The following SCN2A variants were observed in gnomAD, a reference collection of about 807,000 sequenced individuals.
The protein encoded by SCN2A is sodium voltage-gated channel alpha subunit 2, also known as sodium channel protein type 2 subunit alpha.
A neutral mutation model predicts 188.7 loss-of-function variants in SCN2A; 20 were observed. The ratio of observed to expected loss-of-function variants is 0.11; its 90% CI spans 0.07 to 0.15. SCN2A has a LOEUF of 0.15. Ranked by LOEUF, SCN2A falls within the 10% of genes least tolerant of loss-of-function variation. The pLI is 1.00. For missense variants in SCN2A, 1,278 were observed against 2,445.0 expected (o/e 0.52, Z 10.07); for synonymous variants, 804 against 833.1 (o/e 0.97, Z 0.60).
chr2:165,328,057 G>C (rs569731609), intron 13 of SCN2A: 1 of 151,964 alleles, frequency 6.6e-6, no homozygotes, highest in East Asian at 1.9e-4. Context: ...AAGCATACAC[G>C]TCCCTTTCTT....
At position 165,326,868 on chromosome 2, in the gene SCN2A, C is replaced by G. The variant is rs1446046264; in HGVS notation, c.2033C>G (p.Thr678Arg). ...TACTTCTAGGGCACAACTACTGAAA[C>G]AGAAATAAGAAAGAGACGGTCCAGT... ...QLLPEGTTTE[T>R]EIRKRRSSSY... The change falls in exon 13 of 27, where the codon ACA becomes AGA. Residue 678 changes from threonine to arginine, a missense_variant. This residue lies in a region of SCN2A where 315 missense variants were observed against 386.6 expected (regional missense o/e 0.81). Coordinates refer to ENST00000375437, the MANE Select transcript of SCN2A (RefSeq NM_001040142.2). 11 of 1,613,810 alleles carry G rather than the reference C, an allele frequency of 6.8e-6. No individual in the cohort carries two copies. The highest frequency in any genetic ancestry group is 5.9e-6 in the Non-Finnish European group (7 of 1,179,866).
intron 1 of SCN2A, among the ~76,000 whole-genome samples, chr2:165,292,482 C>G (rs2106143032): frequency 6.6e-6 from 1 of 152,196 alleles, no homozygotes; most frequent in East Asian, 1.9e-4. Flanking sequence ...CTTCCCCCAC[C>G]CTATACCCAC....
At chr2:165,311,523 A>C (rs929854778) in intron 7 of SCN2A, among the ~76,000 whole-genome samples, 47 of 152,284 alleles carry the variant, frequency 3.1e-4, no homozygotes, top group African/African-American at 1.0e-3. Flanking sequence ...TTACAGTATC[A>C]TAAGAGGGAA....
chr2:165,368,764 A>G (rs1463382904), intron 19 of SCN2A, among the ~76,000 whole-genome samples: 3 of 152,146 alleles, frequency 2.0e-5, no homozygotes, highest in Non-Finnish European at 4.4e-5. Context: ...TACTGTTTCA[A>G]TTTAATTAAT....
chr2:165,291,549 C>CT (rs1696190311), intron 1 of SCN2A, among the ~76,000 whole-genome samples: 2 of 106,074 alleles, frequency 1.9e-5, no homozygotes, highest in African/African-American at 3.5e-5. Flanking sequence ...TCCTTCCTTC[C>CT]TTCCTTCCTT....
At chr2:165,290,363 C>T (rs1486190450) in intron 1 of SCN2A, among the ~76,000 whole-genome samples, 2 of 152,076 alleles carry the variant, frequency 1.3e-5, no homozygotes, top group African/African-American at 2.4e-5. Context: ...CCTATCTTCC[C>T]CAGCCTCTAG....
At chr2:165,314,662 T>C (rs1428043811) in intron 10 of SCN2A, among the ~76,000 whole-genome samples, 1 of 152,198 alleles carries the variant, frequency 6.6e-6, no homozygotes, top group Non-Finnish European at 1.5e-5. Context: ...TATTAAAACA[T>C]TAGCACTCTC....
intron 16 of SCN2A, among the ~76,000 whole-genome samples, chr2:165,347,075 A>G (rs573352936): frequency 6.6e-6 from 1 of 152,332 alleles, no homozygotes; most frequent in South Asian, 2.1e-4. Flanking sequence ...CATTTGACCC[A>G]GGAATCCCAT....
chr2:165,262,842 G>T (rs1366563344), intron 1 of SCN2A, among the ~76,000 whole-genome samples: 1 of 152,034 alleles, frequency 6.6e-6, no homozygotes, highest in African/African-American at 2.4e-5. Context: ...TTCAGTAATG[G>T]TTGTACTAGT....
At chr2:165,305,500 A>G (rs1248798618) in intron 3 of SCN2A, among the ~76,000 whole-genome samples, 1 of 152,174 alleles carries the variant, frequency 6.6e-6, no homozygotes, top group African/African-American at 2.4e-5. Flanking sequence ...TGGCTTACAT[A>G]CCTTATGTCT....
chr2:165,255,088 A>C (rs1321978244), intron 1 of SCN2A, among the ~76,000 whole-genome samples: 1 of 151,984 alleles, frequency 6.6e-6, no homozygotes, highest in Non-Finnish European at 1.5e-5. Flanking sequence ...TTGGTTAATT[A>C]TAAATTAACC....
At chr2:165,373,371 T>G (rs200254136) in intron 21 of SCN2A, 24 bp downstream of exon 21, 3 of 1,612,322 alleles carry the variant, frequency 1.9e-6, no homozygotes, top group Non-Finnish European at 1.7e-6. Context: ...CCTTAGAGTT[T>G]GTCAGAATTA....
At chr2:165,327,093 C>A in intron 13 of SCN2A, 109 bp downstream of exon 13, 1 of 1,323,170 alleles carries the variant, frequency 7.6e-7, no homozygotes, top group South Asian at 1.2e-5. Context: ...ATCATTATTA[C>A]ACATTTTACT....
intron 11 of SCN2A, among the ~76,000 whole-genome samples, chr2:165,318,577 A>G (rs1213182802): frequency 6.6e-6 from 1 of 152,230 alleles, no homozygotes; most frequent in Non-Finnish European, 1.5e-5. Flanking sequence ...CATTTCTCAT[A>G]TAGCTGTCAC....
At chr2:165,295,118 G>A (rs1484733960) in intron 1 of SCN2A, among the ~76,000 whole-genome samples, 2 of 152,128 alleles carry the variant, frequency 1.3e-5, no homozygotes, top group Non-Finnish European at 2.9e-5. Context: ...CAGGAGCTGG[G>A]TCCCTTCCTG....
At chr2:165,380,103 G>A (rs565908077) in intron 23 of SCN2A, among the ~76,000 whole-genome samples, 5 of 151,716 alleles carry the variant, frequency 3.3e-5, no homozygotes, top group East Asian at 1.9e-4. Context: ...ACTACTGGCC[G>A]CCACTGTTCT....
At chr2:165,352,730 G>T (rs1425688488) in intron 16 of SCN2A, among the ~76,000 whole-genome samples, 1 of 152,032 alleles carries the variant, frequency 6.6e-6, no homozygotes, top group Admixed American at 6.5e-5. Context: ...TTACCTTCAG[G>T]CTATGTGTAT....
chr2:165,271,881 G>T (rs1378032599), intron 1 of SCN2A: 2 of 151,116 alleles, frequency 1.3e-5, no homozygotes, highest in Non-Finnish European at 3.0e-5. Flanking sequence ...CCATTTTGTT[G>T]CATATGTAAG....
Position 165,389,726 on chromosome 2 carries a change from T to A in SCN2A, c.5920T>A (p.Ser1974Thr). The A allele has an allele frequency of 1.9e-6, 3 of 1,613,792 alleles. No homozygotes were observed. Among genetic ancestry groups the A allele is most frequent in the Non-Finnish European group, 2.5e-6 (3 of 1,179,944 alleles). ...GACGCCTTCCACCACGTCTCCACCC[T>A]CGTATGATAGTGTGACCAAACCAGA... ...DMTPSTTSPP[S>T]YDSVTKPEKE... Residue 1974 changes from serine (S) to threonine (T), a missense_variant, in exon 27 of 27, where the codon TCG becomes ACG. Transcript: ENST00000375437. This position sits in a 1 kb window ranked among gnomAD's most constrained non-coding sequence, Gnocchi z 4.2.
Sources: gnomAD v4.1 joint callset for allele counts (sites outside exome capture counted in the v4.1 genomes callset) on GRCh38, gnomAD v4.1.1 for gene constraint, gnomAD v4.1.1 regional missense constraint, Gnocchi (gnomAD v3.1) non-coding constraint, MANE v1.5 for transcripts, NCBI Gene and HGNC (gene_info 2026-07-23, HGNC 2026-07-21) for gene names.